REDIC1: variants seen among roughly 807,000 people sequenced by gnomAD.
REDIC1 encodes HEI10 Interacting Protein 1.
chr12:39,785,562 G>C, the REDIC1 span, among the ~76,000 whole-genome samples: 1 of 152,204 alleles, frequency 6.6e-6, no homozygotes, highest in Non-Finnish European at 1.5e-5. Flanking sequence ...AGTCCCTACT[G>C]GGGCACTGCC....
chr12:39,790,726 T>A, the REDIC1 span, among the ~76,000 whole-genome samples: 2 of 88,736 alleles, frequency 2.3e-5, no homozygotes, highest in Non-Finnish European at 4.4e-5. Flanking sequence ...GTCATTTGGG[T>A]ATATACCCAG....
chr12:39,764,464 G>A, the REDIC1 span: 10 of 1,572,314 alleles, frequency 6.4e-6, no homozygotes, highest in Non-Finnish European at 8.6e-6. Context: ...TCTTACCATA[G>A]TATGTAAGAT....
the REDIC1 span, among the ~76,000 whole-genome samples, chr12:39,901,439 T>G: frequency 5.0e-5 from 7 of 140,412 alleles, no homozygotes; most frequent in South Asian, 2.4e-4. Flanking sequence ...CGCAACCTAC[T>G]CATCTGACAA....
chr12:39,785,349 A>C, the REDIC1 span, among the ~76,000 whole-genome samples: 2 of 152,206 alleles, frequency 1.3e-5, no homozygotes, highest in Non-Finnish European at 2.9e-5. Context: ...TGGAAGCCCT[A>C]AGCCTTGGCA....
the REDIC1 span, among the ~76,000 whole-genome samples, chr12:39,771,522 C>G: frequency 1.3e-5 from 2 of 152,124 alleles, no homozygotes; most frequent in Non-Finnish European, 1.5e-5. Context: ...AAAAATGAAT[C>G]CTTCTCCAGC....
chr12:39,757,818 T>C, the REDIC1 span: 9 of 152,276 alleles, frequency 5.9e-5, no homozygotes, highest in African/African-American at 2.2e-4. Flanking sequence ...AAAGTTACTG[T>C]GCATCAGCCC....
the REDIC1 span, among the ~76,000 whole-genome samples, chr12:39,822,087 A>G: frequency 2.8e-5 from 3 of 108,456 alleles, no homozygotes; most frequent in Admixed American, 3.8e-4. Context: ...ACCCCACAAC[A>G]GTCCCCAGAG....
At chr12:39,877,999 A>G in the REDIC1 span, among the ~76,000 whole-genome samples, 1 of 152,214 alleles carries the variant, frequency 6.6e-6, no homozygotes, top group East Asian at 1.9e-4. Context: ...CCACTCTCCT[A>G]CTGCTTGCTC....
At chr12:39,731,474 G>A in the REDIC1 span, among the ~76,000 whole-genome samples, 7 of 152,316 alleles carry the variant, frequency 4.6e-5, no homozygotes, top group Admixed American at 2.6e-4. Flanking sequence ...AGTATTACCA[G>A]TGGAGGCTCC....
the REDIC1 span, among the ~76,000 whole-genome samples, chr12:39,668,763 A>T: frequency 3.3e-5 from 5 of 150,266 alleles, no homozygotes; most frequent in African/African-American, 7.4e-5. Context: ...TTTTTTTGTT[A>T]TTTTTTTTCT....
At chr12:39,841,227 A>G in the REDIC1 span, among the ~76,000 whole-genome samples, 2 of 152,148 alleles carry the variant, frequency 1.3e-5, no homozygotes, top group Non-Finnish European at 2.9e-5. Flanking sequence ...GCACTGTTAA[A>G]GGCAGCAATT....
the REDIC1 span, among the ~76,000 whole-genome samples, chr12:39,823,004 AC>A: frequency 6.6e-6 from 1 of 152,210 alleles, no homozygotes; most frequent in Non-Finnish European, 1.5e-5. Context: ...CAATATAGTC[AC>A]TAAATCCAAG....
the REDIC1 span, chr12:39,759,534 T>C: frequency 6.5e-6 from 1 of 152,948 alleles, no homozygotes; most frequent in South Asian, 2.1e-4. Flanking sequence ...TGGAATTTAG[T>C]TTGTAACAGC....
the REDIC1 span, among the ~76,000 whole-genome samples, chr12:39,640,175 G>C: frequency 6.6e-6 from 1 of 151,638 alleles, no homozygotes; most frequent in Non-Finnish European, 1.5e-5. Flanking sequence ...GGCTCTGGAA[G>C]GTGATTGGGT....
the REDIC1 span, among the ~76,000 whole-genome samples, chr12:39,851,841 CCT>C: frequency 6.6e-6 from 1 of 152,056 alleles, no homozygotes; most frequent in African/African-American, 2.4e-5. Context: ...CATCTATTTC[CCT>C]GTGTCAAGAA....
the REDIC1 span, among the ~76,000 whole-genome samples, chr12:39,717,789 C>T: frequency 1.4e-4 from 22 of 152,214 alleles, no homozygotes; most frequent in Admixed American, 9.8e-4. Flanking sequence ...AACACTTCTG[C>T]CAGATTGTCT....
At chr12:39,818,207 C>T in the REDIC1 span, among the ~76,000 whole-genome samples, 1 of 151,986 alleles carries the variant, frequency 6.6e-6, no homozygotes, top group Non-Finnish European at 1.5e-5. Context: ...CTAAAATCAT[C>T]TGATTCCCCC....
the REDIC1 span, among the ~76,000 whole-genome samples, chr12:39,688,002 G>A: frequency 6.6e-6 from 1 of 152,128 alleles, no homozygotes; most frequent in African/African-American, 2.4e-5. Context: ...CAGCTATACT[G>A]TTTTCCCTTT....
At chr12:39,752,766 C>T in the REDIC1 span, among the ~76,000 whole-genome samples, 5 of 152,156 alleles carry the variant, frequency 3.3e-5, no homozygotes, top group Non-Finnish European at 5.9e-5. Context: ...GACAGTTTTA[C>T]AAATCCCTGA....
Sources: gnomAD v4.1 joint callset for allele counts (sites outside exome capture counted in the v4.1 genomes callset) on GRCh38, gnomAD v4.1.1 for gene constraint, MANE v1.5 for transcripts, NCBI Gene and HGNC (gene_info 2026-07-23, HGNC 2026-07-21) for gene names.